SEMA3A: variants seen among roughly 807,000 people sequenced by gnomAD.
SEMA3A encodes semaphorin 3A, also known as semaphorin-3A.
A neutral mutation model predicts 97.9 loss-of-function variants in SEMA3A; 29 were observed. The observed-to-expected ratio is 0.30, with a 90% confidence interval of 0.22 to 0.40. The LOEUF (loss-of-function observed/expected upper bound fraction) is 0.40, where lower values mean the gene tolerates loss of function less well. SEMA3A is among the 10% of genes least tolerant of loss of function. The pLI is 1.00. For synonymous variants in SEMA3A, 321 were observed against 323.7 expected (o/e 0.99, Z 0.09); for missense variants, 763 against 951.3 (o/e 0.80, Z 2.60).
intron 4 of SEMA3A, among the ~76,000 whole-genome samples, chr7:84,108,066 T>C (rs1795161386): frequency 6.6e-6 from 1 of 152,168 alleles, no homozygotes; most frequent in Admixed American, 6.5e-5. Context: ...AAATGCAAGG[T>C]ATAGACTTGC....
chr7:84,066,154 A>G (rs1169954427), intron 4 of SEMA3A, among the ~76,000 whole-genome samples: 1 of 151,900 alleles, frequency 6.6e-6, no homozygotes. Context: ...ATATAAACAG[A>G]GCCAAAGACA....
intron 15 of SEMA3A, among the ~76,000 whole-genome samples, chr7:83,970,372 TATC>T (rs1268967483): frequency 6.6e-6 from 1 of 152,162 alleles, no homozygotes; most frequent in Non-Finnish European, 1.5e-5. Context: ...TGACCAGAAA[TATC>T]ATGTTGCTAA....
intron 1 of SEMA3A, among the ~76,000 whole-genome samples, chr7:84,407,950 A>C (rs1297725998): frequency 6.6e-6 from 1 of 152,194 alleles, no homozygotes; most frequent in East Asian, 1.9e-4. Flanking sequence ...CCTAGAAGAA[A>C]ACCTAGGCAT....
At chr7:84,103,786 A>G (rs1411528209) in intron 4 of SEMA3A, among the ~76,000 whole-genome samples, 1 of 152,192 alleles carries the variant, frequency 6.6e-6, no homozygotes, top group South Asian at 2.1e-4. Flanking sequence ...AAGAAGGATT[A>G]TGAAGGCTGG....
At chr7:84,269,935 GA>G (rs1287172269) in intron 3 of SEMA3A, among the ~76,000 whole-genome samples, 6 of 152,036 alleles carry the variant, frequency 3.9e-5, no homozygotes, top group Non-Finnish European at 8.8e-5. Context: ...TTTAACTTCT[GA>G]AGATGAAAAT....
At chr7:84,007,665 C>T (rs757640790) in intron 9 of SEMA3A, among the ~76,000 whole-genome samples, 168 bp from the exon 10 acceptor site, 8 of 151,994 alleles carry the variant, frequency 5.3e-5, no homozygotes, top group African/African-American at 1.7e-4. Context: ...TTTAACAATA[C>T]ACAAAAGAAC....
intron 1 of SEMA3A, among the ~76,000 whole-genome samples, chr7:84,379,425 A>T (rs558208761): frequency 2.9e-4 from 44 of 152,316 alleles, no homozygotes; most frequent in African/African-American, 9.9e-4. Flanking sequence ...AAGTATTGAC[A>T]TCAAGGATAA....
chr7:83,977,279 A>ATATAT (rs1789189520), intron 14 of SEMA3A, 83 bp from the exon 15 acceptor site: 1 of 578,934 alleles, frequency 1.7e-6, no homozygotes, highest in South Asian at 2.9e-5. Context: ...AGAGAAATAA[A>ATATAT]ATATATATAT....
intron 1 of SEMA3A, among the ~76,000 whole-genome samples, chr7:84,491,734 CAA>C (rs148847791): frequency 2.4e-4 from 37 of 152,152 alleles, no homozygotes; most frequent in African/African-American, 8.9e-4. Flanking sequence ...ATGGTGAATC[CAA>C]AGTTGTAAAT....
chr7:84,254,228 T>C (rs1340371677), intron 3 of SEMA3A, among the ~76,000 whole-genome samples: 3 of 152,134 alleles, frequency 2.0e-5, no homozygotes, highest in Non-Finnish European at 4.4e-5. Context: ...GTTACTTAGG[T>C]TGAATCAAGT....
chr7:84,364,396 G>A (rs139751415), intron 2 of SEMA3A, among the ~76,000 whole-genome samples: 173 of 151,650 alleles, frequency 1.1e-3, no homozygotes, highest in African/African-American at 3.9e-3. Context: ...GTGTTATTAA[G>A]TATTTACTTC....
At chr7:84,161,050 G>A (rs2116164854) in intron 1 of SEMA3A, among the ~76,000 whole-genome samples, 1 of 151,938 alleles carries the variant, frequency 6.6e-6, no homozygotes, top group Middle Eastern at 3.4e-3. Context: ...AGTAGAAGAG[G>A]ATAATACTTT....
intron 1 of SEMA3A, among the ~76,000 whole-genome samples, chr7:84,166,824 G>A (rs1420955242): frequency 4.8e-5 from 7 of 145,810 alleles, no homozygotes; most frequent in African/African-American, 1.8e-4. Context: ...GCAGTGAGCC[G>A]AGATTGCACC....
Position 84,298,727 on chromosome 7 carries a change from G to A in SEMA3A, c.-83+8480C>T, listed in dbSNP as rs113676677. On this transcript the variant is annotated intron_variant, in intron 3 of 3. Coordinates refer to the SEMA3A transcript ENST00000424555. ...TATTATCTGTGATGGTTAATATTGAGGGTCAACTTGATTGGCTTAAAGAAT... is the reference window on the plus strand; with the variant it reads ...TATTATCTGTGATGGTTAATATTGAAGGTCAACTTGATTGGCTTAAAGAAT... 3.3e-5 allele frequency among the ~76,000 whole-genome samples: 5 copies of A among 152,234 alleles called. 1 individual carries two copies. The highest frequency in any genetic ancestry group is 1.2e-4 in the African/African-American group (5 of 41,544).
At chr7:83,989,304 A>AT (rs1346733719) in intron 12 of SEMA3A, among the ~76,000 whole-genome samples, 2 of 152,180 alleles carry the variant, frequency 1.3e-5, no homozygotes, top group African/African-American at 4.8e-5. Flanking sequence ...AAAAAAATCT[A>AT]TAAGGTAGAT....
intron 1 of SEMA3A, among the ~76,000 whole-genome samples, chr7:84,447,334 G>C (rs982294329): frequency 2.6e-5 from 4 of 152,164 alleles, no homozygotes; most frequent in Admixed American, 1.3e-4. Context: ...CCTGGGCGGA[G>C]AGACGGTCCT....
At chr7:84,438,452 C>T (rs1725803069) in intron 1 of SEMA3A, among the ~76,000 whole-genome samples, 1 of 152,004 alleles carries the variant, frequency 6.6e-6, no homozygotes, top group Non-Finnish European at 1.5e-5. Context: ...AGTATGTGTG[C>T]TACAGTAAGT....
chr7:84,447,488 C>T (rs181182559), intron 1 of SEMA3A, among the ~76,000 whole-genome samples: 1 of 152,224 alleles, frequency 6.6e-6, no homozygotes, highest in Non-Finnish European at 1.5e-5. Context: ...TCAACACACA[C>T]CTCCTCCCTT....
At chr7:84,473,392 A>ATAT (rs1185160670) in intron 1 of SEMA3A, among the ~76,000 whole-genome samples, 14 of 147,358 alleles carry the variant, frequency 9.5e-5, no homozygotes, top group African/African-American at 3.2e-4. Flanking sequence ...TATTATTATA[A>ATAT]TATTATTATT....
Sources: allele counts gnomAD v4.1 joint callset (sites outside exome capture counted in the v4.1 genomes callset), GRCh38; gene constraint gnomAD v4.1.1; transcripts MANE v1.5; gene names NCBI Gene and HGNC (gene_info 2026-07-23, HGNC 2026-07-21).